APOBEC1: variants seen among roughly 807,000 people sequenced by gnomAD.
The protein encoded by APOBEC1 is C->U-editing enzyme APOBEC-1.
In APOBEC1, 22 loss-of-function variants were observed where a neutral mutation model predicts 26.3. The ratio of observed to expected loss-of-function variants is 0.84; its 90% confidence interval spans 0.60 to 1.19. APOBEC1 has a LOEUF of 1.19. APOBEC1 is among the 50% of genes most tolerant of loss of function. APOBEC1 has a pLI of 0.00. For synonymous variants in APOBEC1, 77 were observed against 95.3 expected, an observed-to-expected ratio of 0.81 and a Z score of 1.12; for missense variants, 253 against 289.0, an observed-to-expected ratio of 0.88 and a Z score of 0.90.
chr12:7,660,701 TA>T (rs34455959), intron 1 of APOBEC1, among the ~76,000 whole-genome samples: 24,954 of 119,600 alleles, frequency 0.21, 2,277 homozygotes, highest in Middle Eastern at 0.3. Context: ...AGATTCCATC[TA>T]AAAAAAAAAA....
At chr12:7,669,369 T>G (rs1331299024), upstream of APOBEC1, among the ~76,000 whole-genome samples, 1 of 152,186 alleles carries the variant, frequency 6.6e-6, no homozygotes, top group African/African-American at 2.4e-5. Flanking sequence ...TGCATAGGTA[T>G]GCTACGATTT....
intron 1 of APOBEC1, among the ~76,000 whole-genome samples, chr12:7,663,807 C>T (rs1382067879): frequency 6.6e-6 from 1 of 151,986 alleles, no homozygotes; most frequent in African/African-American, 2.4e-5. Context: ...TTAGCTACTA[C>T]AATCAAATAA....
At chr12:7,652,912 CTTT>C (rs112046539) in intron 2 of APOBEC1, 77 bp from the exon 3 acceptor site, 2 of 1,045,838 alleles carry the variant, frequency 1.9e-6, no homozygotes, top group East Asian at 5.8e-5. Context: ...CTCCCCTCTT[CTTT>C]TTTTATTTTA....
At chr12:7,656,520 A>G (rs1863717394) in intron 1 of APOBEC1, among the ~76,000 whole-genome samples, 1 of 152,232 alleles carries the variant, frequency 6.6e-6, no homozygotes, top group Non-Finnish European at 1.5e-5. Context: ...CAAACTTAAA[A>G]TGGTCCATGA....
chr12:7,655,234 G>A (rs373123938), intron 1 of APOBEC1, among the ~76,000 whole-genome samples: 3 of 151,930 alleles, frequency 2.0e-5, no homozygotes, highest in Non-Finnish European at 4.4e-5. Flanking sequence ...AAATAGGCCC[G>A]GTGTGGTGGC....
At position 7,649,578 on chromosome 12, in the gene APOBEC1, C is replaced by T. The variant is rs749861277; in HGVS notation, c.680G>A (p.Gly227Glu). ...CCAAGCCACAGAAGGATGTATCAGC[C>T]CTGTAGCTAAAAGGATGTGTGGCGG... ...TIPPHILLAT[G>E]LIHPSVAWR Residue 227 changes from glycine (G) to glutamate (E), a missense_variant, in exon 5 of 5, where the codon GGG becomes GAG. Physicochemically the swap from Gly to Glu is moderately conservative, Grantham distance 98. Coordinates refer to ENST00000229304, the MANE Select transcript of APOBEC1 (RefSeq NM_001644.5). 2 of 1,614,090 alleles carry T rather than the reference C, an allele frequency of 1.2e-6. No individual in the cohort carries two copies. Among genetic ancestry groups the T allele is most frequent in the Non-Finnish European group, 1.7e-6 (2 of 1,180,030 alleles).
chr12:7,657,705 C>A (rs1459243364), intron 1 of APOBEC1, among the ~76,000 whole-genome samples: 1 of 151,904 alleles, frequency 6.6e-6, no homozygotes, highest in Admixed American at 6.6e-5. Flanking sequence ...AAATTTCCGT[C>A]TCTACAAAAA....
At chr12:7,654,859 G>C (rs1401556515) in intron 1 of APOBEC1, among the ~76,000 whole-genome samples, 3 of 152,170 alleles carry the variant, frequency 2.0e-5, no homozygotes, top group Non-Finnish European at 4.4e-5. Context: ...AAACAAGGTA[G>C]TCTGCCTTAA....
Position 7,649,506 on chromosome 12 carries a change from T to G in APOBEC1, c.*41A>C. 6.3e-7 allele frequency: 1 copy of G among 1,594,732 alleles called. No homozygotes were observed. The highest frequency in any genetic ancestry group is 1.1e-5 in the South Asian group (1 of 88,464). On this transcript the variant is annotated 3_prime_UTR_variant, in exon 5 of 5. Transcript: ENST00000229304. ...GCATTCACTCTTTAGTGGGTCATCA[T>G]TGCTTGTTCTTGAATCAGTACACAC... is the stretch of plus-strand genomic sequence containing the variant.
intron 1 of APOBEC1, among the ~76,000 whole-genome samples, chr12:7,657,584 C>A (rs1035074): frequency 0.73 from 110,151 of 151,186 alleles, 41,610 homozygotes; most frequent in Middle Eastern, 0.87. Flanking sequence ...AATTAAAAAA[C>A]AAACCAGGCT....
chr12:7,654,522 C>A, intron 2 of APOBEC1, 83 bp downstream of exon 2: 1 of 1,380,240 alleles, frequency 7.2e-7, no homozygotes. Context: ...GGATTATAGG[C>A]GCATGTGCCA....
chr12:7,665,758 C>CACAG (rs1863883840), intron 1 of APOBEC1, 99 bp downstream of exon 1: 8 of 251,006 alleles, frequency 3.2e-5, no homozygotes, highest in East Asian at 3.0e-4. Flanking sequence ...GCAGGACACA[C>CACAG]ACACACACAC....
At chr12:7,650,320 T>G (rs2136835595) in intron 4 of APOBEC1, among the ~76,000 whole-genome samples, 1 of 152,294 alleles carries the variant, frequency 6.6e-6, no homozygotes, top group East Asian at 1.9e-4. Context: ...AGAGGATTGC[T>G]TGAGGCTAGG....
At chr12:7,661,809 C>T (rs1031873364) in intron 1 of APOBEC1, among the ~76,000 whole-genome samples, 8 of 152,156 alleles carry the variant, frequency 5.3e-5, no homozygotes, top group African/African-American at 9.7e-5. Context: ...AATTGCTGCT[C>T]TTAGGTATAG....
At position 7,652,562 on chromosome 12, in the gene APOBEC1, C is replaced by G; in HGVS notation, c.318G>C (p.Arg106=). Residue 106 remains arginine, a synonymous_variant, in exon 3 of 5, where the codon CGG becomes CGC. Transcript: ENST00000229304. The stretch of plus-strand genomic sequence containing the variant: ...AGATCACTAGAGTCACACCAGGGTG[C>G]CGACTCAGAAACTCTCTAATAGCCT... ...CSQAIREFLS[R]HPGVTLVIYV... The G allele has an allele frequency of 6.2e-7, 1 of 1,614,182 alleles. No individual in the cohort carries two copies.
upstream of APOBEC1, among the ~76,000 whole-genome samples, chr12:7,670,015 C>T (rs1863933426): frequency 6.7e-6 from 1 of 149,772 alleles, no homozygotes; most frequent in Non-Finnish European, 1.5e-5. Context: ...CAAAATTTTG[C>T]TCTTGTTGCC....
At chr12:7,651,511 G>GA (rs1251512804) in intron 3 of APOBEC1, among the ~76,000 whole-genome samples, 1 of 151,764 alleles carries the variant, frequency 6.6e-6, no homozygotes, top group Non-Finnish European at 1.5e-5. Context: ...CTACTGGGGA[G>GA]GCTGAGGCAG....
chr12:7,664,668 A>T (rs1369102174), intron 1 of APOBEC1, among the ~76,000 whole-genome samples: 1 of 152,168 alleles, frequency 6.6e-6, no homozygotes, highest in Non-Finnish European at 1.5e-5. Context: ...TAATCCCAGT[A>T]CTTTGGGAGG....
intron 1 of APOBEC1, among the ~76,000 whole-genome samples, chr12:7,661,029 TA>T (rs1186498858): frequency 1.5e-5 from 1 of 66,264 alleles, no homozygotes; most frequent in Non-Finnish European, 3.0e-5. Flanking sequence ...CCGTCTGTAC[TA>T]AAAATACAAA....
Sources: allele counts gnomAD v4.1 joint callset (sites outside exome capture counted in the v4.1 genomes callset), GRCh38; gene constraint gnomAD v4.1.1; transcripts MANE v1.5; gene names NCBI Gene and HGNC (gene_info 2026-07-23, HGNC 2026-07-21).